Variants in KCNH8 observed in about 807,000 individuals in gnomAD.
KCNH8 encodes potassium voltage-gated channel subfamily H member 8.
In KCNH8, 70 loss-of-function variants were observed where a neutral mutation model predicts 103.6. That is an observed-to-expected ratio of 0.68 (90% confidence interval 0.56 to 0.82). The LOEUF (loss-of-function observed/expected upper bound fraction) is 0.82. Ranked by LOEUF, KCNH8 falls within the 40% of genes least tolerant of loss-of-function variation. The probability of loss-of-function intolerance (pLI) is 0.00; values close to 1 mark genes in which losing one functional copy is unlikely to be tolerated. For missense variants in KCNH8, 1,217 were observed against 1,329.9 expected (o/e 0.92, Z 1.32); for synonymous variants, 498 against 489.4 (o/e 1.02, Z -0.23).
At chr3:19,373,892 G>T (rs918783943) in intron 5 of KCNH8, among the ~76,000 whole-genome samples, 41 of 152,212 alleles carry the variant, frequency 2.7e-4, no homozygotes, top group African/African-American at 9.9e-4. Flanking sequence ...GGAGCAGGTT[G>T]TTCAGTTTCC....
chr3:19,325,338 A>G (rs930600448), intron 3 of KCNH8, among the ~76,000 whole-genome samples: 1 of 150,318 alleles, frequency 6.7e-6, no homozygotes, highest in Non-Finnish European at 1.5e-5. Flanking sequence ...GCAATGACAA[A>G]TGGGACCTAA....
chr3:19,428,767 A>G (rs2067066953), intron 7 of KCNH8, among the ~76,000 whole-genome samples: 1 of 152,246 alleles, frequency 6.6e-6, no homozygotes, highest in South Asian at 2.1e-4. Context: ...GTGAGGCAAC[A>G]TAATTCCAAG....
chr3:19,472,158 G>C (rs1174606994), intron 11 of KCNH8, among the ~76,000 whole-genome samples: 1 of 150,874 alleles, frequency 6.6e-6, no homozygotes, highest in Admixed American at 6.6e-5. Context: ...CAAAGTATGT[G>C]CTTGATGAAA....
chr3:19,278,418 GGAAGGAGGGAGA>G (rs1196624784), intron 2 of KCNH8, among the ~76,000 whole-genome samples: 23 of 145,390 alleles, frequency 1.6e-4, no homozygotes, highest in Admixed American at 1.5e-3. Flanking sequence ...AAGGAGGGAG[GGAAGGAGGGAGA>G]GATGGAGGGA....
At chr3:19,313,082 G>C (rs917806515) in intron 3 of KCNH8, among the ~76,000 whole-genome samples, 1 of 151,940 alleles carries the variant, frequency 6.6e-6, no homozygotes, top group Non-Finnish European at 1.5e-5. Context: ...AAAAATATGA[G>C]TGGTTGCATT....
chr3:19,374,870 A>C (rs2066166399), intron 5 of KCNH8, among the ~76,000 whole-genome samples: 1 of 152,000 alleles, frequency 6.6e-6, no homozygotes, highest in Non-Finnish European at 1.5e-5. Flanking sequence ...TATGAAGCTT[A>C]GTTTGGCTGG....
intron 3 of KCNH8, among the ~76,000 whole-genome samples, chr3:19,292,994 T>A (rs1387105019): frequency 1.3e-5 from 2 of 152,208 alleles, no homozygotes; most frequent in African/African-American, 4.8e-5. Context: ...TTCCCTAAGC[T>A]TTTATATCTC....
chr3:19,349,247 A>C (rs898372731), intron 5 of KCNH8, among the ~76,000 whole-genome samples: 14 of 152,222 alleles, frequency 9.2e-5, no homozygotes, highest in African/African-American at 3.4e-4. Flanking sequence ...ATAATGGTTA[A>C]ATGGAAAATA....
At chr3:19,497,571 G>C (rs1214012996) in intron 11 of KCNH8, among the ~76,000 whole-genome samples, 3 of 152,082 alleles carry the variant, frequency 2.0e-5, no homozygotes, top group Non-Finnish European at 2.9e-5. Flanking sequence ...TCTTAATGTT[G>C]ATTTCTGTTT....
rs113772694 is a variant in KCNH8 at position 19,170,584 on chromosome 3, C to CTATA, written c.76+21811_76+21814dup. 7.7e-3 allele frequency among the ~76,000 whole-genome samples: 882 copies of CTATA among 114,014 alleles called. 5 individuals carry two copies. The highest frequency in any genetic ancestry group is 0.029 in the East Asian group (114 of 3,926). The allele number at this position is 114,014 out of a possible 152,430, so 74.8% of individuals were successfully genotyped here. ...GCAAGTGCCCCACTTCTTGGGGCAT[C>CTATA]TATATATATATATATATATATATAT... On this transcript the variant is annotated intron_variant, in intron 1 of 15. Coordinates refer to ENST00000328405, the MANE Select transcript of KCNH8 (RefSeq NM_144633.3).
intron 4 of KCNH8, among the ~76,000 whole-genome samples, chr3:19,344,345 C>G (rs1196495118): frequency 4.6e-5 from 7 of 152,010 alleles, no homozygotes; most frequent in African/African-American, 9.7e-5. Context: ...CTTTAAAATG[C>G]ATTTGCTGGG....
intron 4 of KCNH8, 133 bp downstream of exon 4, chr3:19,342,847 T>C: frequency 2.5e-6 from 2 of 788,548 alleles, no homozygotes; most frequent in Non-Finnish European, 4.0e-6. Flanking sequence ...TTTGTGCTTT[T>C]CTATAAAGAA....
chr3:19,481,015 G>A (rs1440585510), intron 11 of KCNH8, among the ~76,000 whole-genome samples: 1 of 152,100 alleles, frequency 6.6e-6, no homozygotes, highest in Non-Finnish European at 1.5e-5. Flanking sequence ...AGGTTATAAA[G>A]CCTTCCTGCT....
chr3:19,524,221 C>T (rs1254320346), intron 15 of KCNH8, among the ~76,000 whole-genome samples: 1 of 151,794 alleles, frequency 6.6e-6, no homozygotes, highest in Admixed American at 6.6e-5. Flanking sequence ...TCAGGTCATT[C>T]CAAGATTTGT....
At chr3:19,447,793 A>G (rs1038363139) in intron 8 of KCNH8, among the ~76,000 whole-genome samples, 2 of 152,016 alleles carry the variant, frequency 1.3e-5, no homozygotes, top group Non-Finnish European at 2.9e-5. Flanking sequence ...ATGAACCTCT[A>G]TTTAGAATCT....
At chr3:19,479,176 G>C (rs549892479) in intron 11 of KCNH8, among the ~76,000 whole-genome samples, 2 of 152,102 alleles carry the variant, frequency 1.3e-5, no homozygotes, top group African/African-American at 4.8e-5. Context: ...TGGAGAGTTT[G>C]CGGGGTGCCT....
intron 7 of KCNH8, among the ~76,000 whole-genome samples, chr3:19,400,675 A>G (rs2066599399): frequency 6.6e-6 from 1 of 151,954 alleles, no homozygotes; most frequent in African/African-American, 2.4e-5. Flanking sequence ...GGATTAAGTC[A>G]GACATCATTT....
Position 19,358,094 on chromosome 3 carries a change from C to G in KCNH8, c.811+10129C>G, listed in dbSNP as rs192698002. Among the ~76,000 whole-genome samples the G allele has an allele frequency of 2.3e-3, 354 of 151,940 alleles. 5 individuals carry two copies. Among genetic ancestry groups the G allele is most frequent in the African/African-American group, 8.0e-3 (334 of 41,518 alleles). Reference sequence around the variant, plus strand: ...CAGATTTCTCAGCAACAGTAGAGGCCAAAAGGCAATGAACAATATCTGGCT... The same window carrying G: ...CAGATTTCTCAGCAACAGTAGAGGCGAAAAGGCAATGAACAATATCTGGCT... On this transcript the variant is annotated intron_variant, in intron 5 of 15. Transcript: ENST00000328405.
rs534561987 is a variant in KCNH8 at position 19,238,732 on chromosome 3, A to G, written c.77-14922A>G. 2.6e-5 allele frequency among the ~76,000 whole-genome samples: 4 copies of G among 152,334 alleles called. No homozygotes were observed. The South Asian group carries it at 6.2e-4, about 24-fold the overall frequency. On this transcript the variant is annotated intron_variant, in intron 1 of 15. Coordinates refer to ENST00000328405, the MANE Select transcript of KCNH8 (RefSeq NM_144633.3). The stretch of plus-strand genomic sequence containing the variant: ...GTTACTTCTTAGCATATGTTGGCAT[A>G]TGTTTATATCATAAAATACACATTT...
Sources: allele counts gnomAD v4.1 joint callset (sites outside exome capture counted in the v4.1 genomes callset), GRCh38; gene constraint gnomAD v4.1.1; transcripts MANE v1.5; gene names NCBI Gene and HGNC (gene_info 2026-07-23, HGNC 2026-07-21).